The following CTNNA3 variants were observed in gnomAD, a reference collection of about 807,000 sequenced individuals.
The protein encoded by CTNNA3 is catenin alpha-3.
Under a neutral mutation model 95.7 loss-of-function variants are expected in CTNNA3, and 76 were observed. The observed-to-expected ratio is 0.79, with a 90% CI of 0.66 to 0.96. The LOEUF (loss-of-function observed/expected upper bound fraction) is 0.96. Among genes scored for constraint, CTNNA3 ranks in the 40% least tolerant of loss-of-function variants. The probability of loss-of-function intolerance (pLI) is 0.00; values close to 1 mark genes in which losing one functional copy is unlikely to be tolerated. For synonymous variants in CTNNA3, 431 were observed against 374.4 expected (o/e 1.15, Z -1.74); for missense variants, 1,191 against 1,089.8 (o/e 1.09, Z -1.31).
chr10:66,348,337 G>T (rs560046801), intron 12 of CTNNA3, among the ~76,000 whole-genome samples: 1 of 152,074 alleles, frequency 6.6e-6, no homozygotes, highest in Admixed American at 6.6e-5. Context: ...TTAATTAGCC[G>T]ATTATTAGCT....
chr10:66,410,542 TAG>T (rs1190519769), intron 11 of CTNNA3, among the ~76,000 whole-genome samples: 3 of 152,194 alleles, frequency 2.0e-5, no homozygotes, highest in Admixed American at 2.0e-4. Context: ...TTCTGTGGAA[TAG>T]AGTCTACCTC....
chr10:66,327,297 GT>G (rs1157164228), intron 12 of CTNNA3, among the ~76,000 whole-genome samples: 1 of 152,086 alleles, frequency 6.6e-6, no homozygotes, highest in Non-Finnish European at 1.5e-5. Flanking sequence ...AATAAATTGT[GT>G]TAAATAAGGA....
intron 5 of CTNNA3, among the ~76,000 whole-genome samples, chr10:67,351,879 A>G (rs1013951007): frequency 6.6e-6 from 1 of 152,064 alleles, no homozygotes; most frequent in African/African-American, 2.4e-5. Context: ...ACACTCTGAC[A>G]TACTCTGTTA....
intron 7 of CTNNA3, among the ~76,000 whole-genome samples, chr10:67,171,738 G>C (rs1862031524): frequency 1.3e-5 from 2 of 151,854 alleles, no homozygotes; most frequent in South Asian, 4.2e-4. Flanking sequence ...CTGGGTAAGA[G>C]AGCAAGACCC....
At chr10:67,392,572 C>G (rs894008592) in intron 5 of CTNNA3, among the ~76,000 whole-genome samples, 1 of 152,124 alleles carries the variant, frequency 6.6e-6, no homozygotes, top group East Asian at 1.9e-4. Flanking sequence ...ACCCAAAGGA[C>G]TATAAATCAT....
intron 11 of CTNNA3, among the ~76,000 whole-genome samples, chr10:66,470,805 G>A (rs563027129): frequency 6.6e-6 from 1 of 151,938 alleles, no homozygotes; most frequent in Non-Finnish European, 1.5e-5. Context: ...TGAACATTTA[G>A]TAATTAAAAT....
chr10:67,639,910 G>T (rs113440524), intron 2 of CTNNA3, among the ~76,000 whole-genome samples: 3 of 152,056 alleles, frequency 2.0e-5, no homozygotes, highest in African/African-American at 7.2e-5. Context: ...ATACTGAATG[G>T]GCAAAAACTG....
At chr10:66,625,865 C>T (rs941116159) in intron 9 of CTNNA3, among the ~76,000 whole-genome samples, 3 of 152,090 alleles carry the variant, frequency 2.0e-5, no homozygotes, top group Non-Finnish European at 4.4e-5. Flanking sequence ...GACACCTAGG[C>T]TAGTTCTGTC....
intron 9 of CTNNA3, among the ~76,000 whole-genome samples, chr10:66,642,721 A>T (rs1314690816): frequency 6.6e-6 from 1 of 152,154 alleles, no homozygotes; most frequent in Non-Finnish European, 1.5e-5. Context: ...TGTGTACATA[A>T]ATTAGAGAAT....
chr10:67,418,241 C>T (rs76164447), intron 5 of CTNNA3, among the ~76,000 whole-genome samples: 8 of 152,240 alleles, frequency 5.3e-5, no homozygotes, highest in Middle Eastern at 6.8e-3. Flanking sequence ...GACCAATTCA[C>T]CTTGCACATT....
intron 7 of CTNNA3, among the ~76,000 whole-genome samples, chr10:66,845,164 G>A (rs1203961386): frequency 6.6e-6 from 1 of 152,048 alleles, no homozygotes; most frequent in East Asian, 1.9e-4. Flanking sequence ...AATAAAGGAT[G>A]GCATACTAGG....
chr10:66,424,979 T>G (rs1478363421), intron 11 of CTNNA3, among the ~76,000 whole-genome samples: 1 of 152,094 alleles, frequency 6.6e-6, no homozygotes, highest in South Asian at 2.1e-4. Flanking sequence ...AACTCATTTT[T>G]CCATCATGAG....
chr10:66,221,746 T>A lies in CTNNA3; in HGVS notation c.1884+58724A>T, dbSNP rs150359283. ...GTCAGTTAACTTTTAGAAGCTGTAG[T>A]TAAAAGCAAGTATTTTGAATGTATT... is the stretch of plus-strand genomic sequence containing the variant. On this transcript the variant is annotated intron_variant, in intron 13 of 17. Transcript: ENST00000433211. Among the ~76,000 whole-genome samples, 540 of 152,326 alleles carry A rather than the reference T, an allele frequency of 3.5e-3. 5 individuals carry two copies. Among genetic ancestry groups the A allele is most frequent in the African/African-American group, 0.013 (523 of 41,566 alleles).
At chr10:66,184,582 T>C (rs2086232207) in intron 13 of CTNNA3, among the ~76,000 whole-genome samples, 1 of 152,206 alleles carries the variant, frequency 6.6e-6, no homozygotes, top group South Asian at 2.1e-4. Flanking sequence ...ACGTTAACTC[T>C]ATACTATAAA....
At chr10:66,771,510 T>C (rs1051985258) in intron 8 of CTNNA3, among the ~76,000 whole-genome samples, 2 of 152,094 alleles carry the variant, frequency 1.3e-5, no homozygotes, top group African/African-American at 4.8e-5. Context: ...TACATGATGG[T>C]AAAATCAGTG....
chr10:66,037,833 T>C (rs954051663), intron 15 of CTNNA3, among the ~76,000 whole-genome samples: 1 of 152,230 alleles, frequency 6.6e-6, no homozygotes, highest in Admixed American at 6.5e-5. Flanking sequence ...AGTTTTCAGC[T>C]GGACTAGGAA....
intron 10 of CTNNA3, among the ~76,000 whole-genome samples, chr10:66,522,219 G>A (rs1293528596): frequency 6.6e-6 from 1 of 152,052 alleles, no homozygotes; most frequent in Non-Finnish European, 1.5e-5. Flanking sequence ...TTGGGGCATT[G>A]TCTCTATGAA....
intron 13 of CTNNA3, among the ~76,000 whole-genome samples, chr10:66,137,877 G>T (rs957988452): frequency 6.6e-6 from 1 of 152,092 alleles, no homozygotes; most frequent in Non-Finnish European, 1.5e-5. Context: ...TTGAGTCCAG[G>T]AGGTGGAGGT....
rs1182640838 is a variant in CTNNA3 at position 66,899,380 on chromosome 10, A to AT, written c.1048-123857dup. Reference sequence around the variant, plus strand: ...TGGGAATATATTCAAAAGAACTGAAATCAAGATGGTCGTTTCCAAGATGGC... The same window carrying AT: ...TGGGAATATATTCAAAAGAACTGAAATTCAAGATGGTCGTTTCCAAGATGGC... On this transcript the variant is annotated intron_variant, in intron 7 of 17. Transcript: ENST00000433211. Among the ~76,000 whole-genome samples, 4 of 152,178 alleles carry AT rather than the reference A, an allele frequency of 2.6e-5. No homozygotes were observed. In the East Asian group the frequency reaches 7.7e-4, roughly 29 times the overall value.
Sources: gnomAD v4.1 joint callset for allele counts (sites outside exome capture counted in the v4.1 genomes callset) on GRCh38, gnomAD v4.1.1 for gene constraint, MANE v1.5 for transcripts, NCBI Gene and HGNC (gene_info 2026-07-23, HGNC 2026-07-21) for gene names.